Variants in MIDEAS observed in about 807,000 individuals in gnomAD.
MIDEAS encodes mitotic deacetylase associated SANT domain protein.
In MIDEAS, 26 loss-of-function variants were observed where a neutral mutation model predicts 102.7. The observed-to-expected ratio is 0.25, with a 90% CI of 0.19 to 0.35. The LOEUF (loss-of-function observed/expected upper bound fraction) is 0.35, where lower values mean the gene tolerates loss of function less well. MIDEAS is among the 10% of genes least tolerant of loss of function. The probability of loss-of-function intolerance (pLI) is 1.00; values close to 1 mark genes in which losing one functional copy is unlikely to be tolerated. For missense variants in MIDEAS, 1,231 were observed against 1,435.6 expected (o/e 0.86, Z 2.30); for synonymous variants, 585 against 591.0 (o/e 0.99, Z 0.15).
At chr14:73,746,365 C>T (rs2140135657) in intron 1 of MIDEAS, among the ~76,000 whole-genome samples, 1 of 152,340 alleles carries the variant, frequency 6.6e-6, no homozygotes, top group Middle Eastern at 3.4e-3. Flanking sequence ...GACTGCCTGC[C>T]TTCCTCCTAG....
chr14:73,763,084 C>T (rs1394892891), upstream of MIDEAS, among the ~76,000 whole-genome samples: 1 of 152,082 alleles, frequency 6.6e-6, no homozygotes, highest in East Asian at 1.9e-4. Flanking sequence ...ACCTGTAACC[C>T]CAGAACTTTA....
At chr14:73,724,413 C>G (rs2053034229) in intron 9 of MIDEAS, 1 of 152,216 alleles carries the variant, frequency 6.6e-6, no homozygotes, top group Admixed American at 6.5e-5. Flanking sequence ...CTCTCTGACC[C>G]TTTGTTTGAC....
chr14:73,755,813 C>G (rs576263987), intron 1 of MIDEAS, among the ~76,000 whole-genome samples: 1 of 152,296 alleles, frequency 6.6e-6, no homozygotes, highest in South Asian at 2.1e-4. Flanking sequence ...ACAGGACACC[C>G]TTCATTTTCT....
intron 1 of MIDEAS, 70 bp from the exon 2 acceptor site, chr14:73,740,325 T>G (rs572337517): frequency 3.5e-4 from 139 of 399,756 alleles, no homozygotes; most frequent in African/African-American, 2.7e-3. Flanking sequence ...AGCACAAGTG[T>G]AAGAAAAGGG....
In MIDEAS at chr14:73,784,285, G is replaced by A. The variant is rs578249614; in HGVS notation, c.-248+2817C>T. Among the ~76,000 whole-genome samples, 16 of 152,376 alleles carry A rather than the reference G, an allele frequency of 1.1e-4. No homozygotes were observed. The East Asian group carries it at 3.1e-3, about 29-fold the overall frequency. On this transcript the variant is annotated intron_variant, in intron 1 of 11. Transcript: ENST00000394071. ...TAGGTAAGGTGAAGGAGGAAGTCAG[G>A]GTTATGATTCTGTCTCTGTGTAACA...
upstream of MIDEAS, among the ~76,000 whole-genome samples, chr14:73,788,235 G>A (rs1198508193): frequency 6.6e-6 from 1 of 151,840 alleles, no homozygotes; most frequent in Non-Finnish European, 1.5e-5. Flanking sequence ...AGCTTGTCGT[G>A]GAAAACAGGG....
chr14:73,730,270 A>G (rs1241910784), intron 3 of MIDEAS: 6 of 571,084 alleles, frequency 1.1e-5, no homozygotes, highest in African/African-American at 3.8e-5. Context: ...TTTCTTTTTA[A>G]AACTAACTGT....
rs1405490041 is a variant in MIDEAS, at chr14:73,759,090, A to G, written c.-248+673T>C. On this transcript the variant is annotated intron_variant, in intron 1 of 12. Coordinates refer to ENST00000423556, the MANE Select transcript of MIDEAS (RefSeq NM_001367710.1). The surrounding 1 kb of genome is among the most constrained non-coding windows in gnomAD (Gnocchi z 6.7). ...GCGCGGGCGTGCGGGGGCGCGCGGGAGGATGACAGGTCTGAGGTGCGCCCG... is the reference window on the plus strand; with the variant it reads ...GCGCGGGCGTGCGGGGGCGCGCGGGGGGATGACAGGTCTGAGGTGCGCCCG... Among the ~76,000 whole-genome samples, 1 of 151,578 alleles carries G rather than the reference A, an allele frequency of 6.6e-6. No individual in the cohort carries two copies. The highest frequency in any genetic ancestry group is 2.4e-5 in the African/African-American group (1 of 41,268).
intron 1 of MIDEAS, among the ~76,000 whole-genome samples, chr14:73,773,447 A>G (rs1243357428): frequency 6.6e-6 from 1 of 151,640 alleles, no homozygotes; most frequent in African/African-American, 2.4e-5. Flanking sequence ...ACAAAGACAG[A>G]TCCCACATTC....
At chr14:73,721,183 CCTG>C (rs1486065303) in intron 11 of MIDEAS, 111 bp downstream of exon 11, 6 of 980,002 alleles carry the variant, frequency 6.1e-6, no homozygotes, top group Admixed American at 3.7e-5. Context: ...TCACACATTT[CCTG>C]CTATTATGAT....
At chr14:73,786,566 G>A (rs1419585025) in intron 1 of MIDEAS, among the ~76,000 whole-genome samples, 9 of 152,202 alleles carry the variant, frequency 5.9e-5, no homozygotes, top group South Asian at 2.1e-4. Context: ...GACAATTCCG[G>A]TTTGGTTTTC....
At chr14:73,744,128 C>G (rs2053319195) in intron 1 of MIDEAS, among the ~76,000 whole-genome samples, 1 of 152,030 alleles carries the variant, frequency 6.6e-6, no homozygotes, top group South Asian at 2.1e-4. Context: ...CTGGAAAGGC[C>G]TTTGGGTGTT....
chr14:73,732,509 G>T (rs909997073), intron 3 of MIDEAS, among the ~76,000 whole-genome samples: 1 of 152,222 alleles, frequency 6.6e-6, no homozygotes, highest in African/African-American at 2.4e-5. Flanking sequence ...GGTTTGTCCA[G>T]GTGTGGTGGC....
At position 73,759,996 on chromosome 14, in the gene MIDEAS, C is replaced by T. The variant is rs1192274591; in HGVS notation, c.-481G>A. 1 of 152,128 alleles carries T rather than the reference C, an allele frequency of 6.6e-6. No individual in the cohort carries two copies. Among genetic ancestry groups the T allele is most frequent in the East Asian group, 1.9e-4 (1 of 5,152 alleles). 9.4% of individuals were successfully genotyped at this position (152,128 alleles called of 1,614,324 possible). ...GGGACGCGCGGGCTGTCACCCCCCG[C>T]TTGCGATGCAGGAGCCTCGGCGCGC... On this transcript the variant is annotated 5_prime_UTR_variant, in exon 1 of 13. Transcript: ENST00000423556. This position sits in a 1 kb window ranked among gnomAD's most constrained non-coding sequence, Gnocchi z 6.7.
chr14:73,779,779 T>C (rs1348349707), intron 1 of MIDEAS, among the ~76,000 whole-genome samples: 1 of 142,900 alleles, frequency 7.0e-6, no homozygotes, highest in Non-Finnish European at 1.5e-5. Flanking sequence ...GGGTTTCACC[T>C]TGTTAGCCAG....
upstream of MIDEAS, chr14:73,787,299 C>A: frequency 6.7e-6 from 1 of 149,410 alleles, no homozygotes; most frequent in South Asian, 2.0e-4. Flanking sequence ...GCCAGCCGCC[C>A]CGCCCGCGCC....
At chr14:73,750,641 A>G (rs1489850309) in intron 1 of MIDEAS, among the ~76,000 whole-genome samples, 2 of 152,236 alleles carry the variant, frequency 1.3e-5, no homozygotes, top group African/African-American at 4.8e-5. Context: ...CTCTCTTCAG[A>G]GCCAACTGGC....
intron 3 of MIDEAS, among the ~76,000 whole-genome samples, chr14:73,736,605 TGG>T (rs2053203372): frequency 7.0e-6 from 1 of 143,246 alleles, no homozygotes; most frequent in African/African-American, 2.7e-5. Flanking sequence ...CACTCCAGCC[TGG>T]GTGACAGAGC....
intron 1 of MIDEAS, among the ~76,000 whole-genome samples, chr14:73,746,850 T>C (rs2053358825): frequency 1.3e-5 from 2 of 152,200 alleles, no homozygotes; most frequent in South Asian, 4.1e-4. Flanking sequence ...AAGCATTTGC[T>C]GAGCACTTGC....
Sources: allele counts gnomAD v4.1 joint callset (sites outside exome capture counted in the v4.1 genomes callset), GRCh38; gene constraint gnomAD v4.1.1; non-coding constraint Gnocchi (gnomAD v3.1); transcripts MANE v1.5; gene names NCBI Gene and HGNC (gene_info 2026-07-23, HGNC 2026-07-21).